ULK4: variants seen among roughly 807,000 people sequenced by gnomAD.
The protein encoded by ULK4 is inactive serine/threonine-protein kinase ULK4.
ULK4 carries 133 observed loss-of-function variants against 160.6 expected under a neutral mutation model. That is an observed-to-expected ratio of 0.83 (90% CI 0.72 to 0.96). The LOEUF is 0.96. Ranked by LOEUF, ULK4 falls within the 40% of genes least tolerant of loss-of-function variation. ULK4 has a pLI of 0.00. For synonymous variants in ULK4, 534 were observed against 539.8 expected (o/e 0.99, Z 0.15); for missense variants, 1,580 against 1,499.5 (o/e 1.05, Z -0.89).
At chr3:41,423,109 A>G (rs1270713829) in intron 34 of ULK4, among the ~76,000 whole-genome samples, 1 of 152,192 alleles carries the variant, frequency 6.6e-6, no homozygotes, top group African/African-American at 2.4e-5. Context: ...GTATGGTCCT[A>G]TTTTTACAAA....
At chr3:41,585,090 C>G (rs2030691545) in intron 31 of ULK4, among the ~76,000 whole-genome samples, 1 of 152,018 alleles carries the variant, frequency 6.6e-6, no homozygotes, top group Non-Finnish European at 1.5e-5. Context: ...CCACACTACT[C>G]AAAGTGATCT....
chr3:41,533,301 A>T (rs2086385710), intron 32 of ULK4, among the ~76,000 whole-genome samples: 2 of 152,214 alleles, frequency 1.3e-5, no homozygotes, highest in African/African-American at 4.8e-5. Flanking sequence ...GTTATTTGAC[A>T]TAGTAAAATT....
chr3:41,817,448 A>T (rs1051446280), intron 19 of ULK4, among the ~76,000 whole-genome samples: 4 of 152,212 alleles, frequency 2.6e-5, no homozygotes, highest in African/African-American at 9.6e-5. Context: ...GCCATAAAAA[A>T]TTATAAAATC....
intron 35 of ULK4, among the ~76,000 whole-genome samples, chr3:41,272,343 G>GTTTTTTTTTTTTTTTT: frequency 1.0e-5 from 1 of 95,476 alleles, no homozygotes; most frequent in Non-Finnish European, 2.1e-5. Flanking sequence ...AATTTTGAAA[G>GTTTTTTTTTTTTTTTT]TTTTTTTTTT....
At chr3:41,900,703 T>C (rs777124107) in intron 13 of ULK4, 22 bp downstream of exon 13, 124 of 1,577,048 alleles carry the variant, frequency 7.9e-5, no homozygotes, top group South Asian at 3.3e-5. Context: ...TACAACTCAG[T>C]TGTTAGAGTG....
chr3:41,391,811 T>C (rs1012885189), intron 35 of ULK4, among the ~76,000 whole-genome samples: 2 of 152,106 alleles, frequency 1.3e-5, no homozygotes, highest in African/African-American at 4.8e-5. Context: ...CTTCATGGAA[T>C]AGATATTTGT....
chr3:41,587,042 G>GT (rs1417952598), intron 31 of ULK4, among the ~76,000 whole-genome samples: 1 of 152,130 alleles, frequency 6.6e-6, no homozygotes, highest in African/African-American at 2.4e-5. Context: ...AAATCAAAGT[G>GT]TCAGCTAGGC....
At chr3:41,405,534 T>C (rs1294343241) in intron 34 of ULK4, among the ~76,000 whole-genome samples, 1 of 152,172 alleles carries the variant, frequency 6.6e-6, no homozygotes, top group Admixed American at 6.5e-5. Context: ...CTGCTTTAAG[T>C]TGAGAATTCT....
At chr3:41,493,953 A>G (rs1291830241) in intron 32 of ULK4, among the ~76,000 whole-genome samples, 1 of 149,978 alleles carries the variant, frequency 6.7e-6, no homozygotes, top group Non-Finnish European at 1.5e-5. Context: ...TACCAACCAA[A>G]AAGAGTCCAG....
chr3:41,406,845 G>A (rs2082302253), intron 34 of ULK4, among the ~76,000 whole-genome samples: 1 of 152,170 alleles, frequency 6.6e-6, no homozygotes, highest in African/African-American at 2.4e-5. Context: ...ATGAAGCAAT[G>A]GTTCTTAAGA....
rs1307751658 is a variant in ULK4 at position 41,883,885 on chromosome 3, G to A, written c.1645C>T (p.Pro549Ser). Residue 549 changes from proline (P) to serine (S), a missense_variant, in exon 17 of 37, where the codon CCT (proline) becomes TCT (serine). By Grantham distance (74) the Pro-to-Ser change is moderately conservative (BLOSUM62 -1). Transcript: ENST00000301831. ...ATAAAAGACATTACCTCAACAACAG[G>A]TGTATTTTCCTGGAGCTCAGCTGTG... ...SHTAELQENTPVVEAIVLLTE... is the reference protein window; with the variant it reads ...SHTAELQENTSVVEAIVLLTE... 1.3e-5 allele frequency: 21 copies of A among 1,605,352 alleles called. No individual in the cohort carries two copies. The highest frequency in any genetic ancestry group is 1.1e-4 in the East Asian group (5 of 44,860).
At chr3:41,596,663 G>A (rs1325681226) in intron 31 of ULK4, among the ~76,000 whole-genome samples, 1 of 152,110 alleles carries the variant, frequency 6.6e-6, no homozygotes. Flanking sequence ...GGTCATAAAG[G>A]TAGTTCAATT....
intron 34 of ULK4, among the ~76,000 whole-genome samples, chr3:41,410,908 T>C (rs956018401): frequency 4.6e-5 from 7 of 152,080 alleles, no homozygotes; most frequent in East Asian, 1.9e-4. Flanking sequence ...ACCAGTCATA[T>C]TGGATTGAGG....
chr3:41,575,143 G>GAAA (rs1301658504), intron 31 of ULK4, among the ~76,000 whole-genome samples: 1 of 152,214 alleles, frequency 6.6e-6, no homozygotes, highest in Non-Finnish European at 1.5e-5. Flanking sequence ...CTAAGGGTGA[G>GAAA]AAACAGGGAA....
chr3:41,405,732 C>T (rs2082280566), intron 34 of ULK4, among the ~76,000 whole-genome samples: 1 of 152,058 alleles, frequency 6.6e-6, no homozygotes, highest in Non-Finnish European at 1.5e-5. Context: ...TTATGTGGAG[C>T]ACTTTTTCAT....
intron 35 of ULK4, among the ~76,000 whole-genome samples, chr3:41,302,075 A>G (rs1422856264): frequency 6.6e-6 from 1 of 152,206 alleles, no homozygotes; most frequent in East Asian, 1.9e-4. Flanking sequence ...CTACTTACAT[A>G]CAAGCACTGA....
rs1431803580 is a variant in ULK4 at position 41,615,744 on chromosome 3, G to A, written c.3072-27C>T. 8.1e-6 allele frequency: 13 copies of A among 1,603,908 alleles called. No homozygotes were observed. In the South Asian group the frequency reaches 1.3e-4, roughly 17 times the overall value. On this transcript the variant is annotated intron_variant, in intron 30 of 36. Coordinates refer to ENST00000301831, the MANE Select transcript of ULK4 (RefSeq NM_017886.4). ...TGTTAAAAACAAGAAAAAAAGATAA[G>A]TGCACATTAGACAATTCATATTTGC... is the stretch of plus-strand genomic sequence containing the variant.
intron 5 of ULK4, among the ~76,000 whole-genome samples, chr3:41,931,021 CAT>C (rs1699575606): frequency 1.3e-5 from 2 of 152,188 alleles, no homozygotes; most frequent in African/African-American, 4.8e-5. Context: ...ACTATAAAGA[CAT>C]ATGCACACGT....
rs74763606 is a variant in ULK4, at chr3:41,877,115, A to G, written c.1656+6759T>C. Among the ~76,000 whole-genome samples, 149 of 152,334 alleles carry G rather than the reference A, an allele frequency of 9.8e-4. 1 individual carries two copies. In the East Asian group the frequency reaches 0.024, roughly 25 times the overall value. On this transcript the variant is annotated intron_variant, in intron 17 of 36. Transcript: ENST00000301831. Reference sequence around the variant, plus strand: ...TTGAAAACATATGTAACTATATATCATATTGGTGACAAAAGTACAAAGTGA... The same window carrying G: ...TTGAAAACATATGTAACTATATATCGTATTGGTGACAAAAGTACAAAGTGA...
Sources: gnomAD v4.1 joint callset for allele counts (sites outside exome capture counted in the v4.1 genomes callset) on GRCh38, gnomAD v4.1.1 for gene constraint, MANE v1.5 for transcripts, NCBI Gene and HGNC (gene_info 2026-07-23, HGNC 2026-07-21) for gene names.